The following TAOK1 variants were observed in gnomAD, a reference collection of about 807,000 sequenced individuals.
TAOK1 encodes the protein TAO kinase 1.
In TAOK1, 21 loss-of-function variants were observed where a neutral mutation model predicts 138.3. That is an observed-to-expected ratio of 0.15 (90% CI 0.11 to 0.22). The LOEUF (loss-of-function observed/expected upper bound fraction) is 0.22. TAOK1 is among the 10% of genes least tolerant of loss of function. The probability of loss-of-function intolerance (pLI) is 1.00; values close to 1 mark genes in which losing one functional copy is unlikely to be tolerated. For synonymous variants in TAOK1, 361 were observed against 398.4 expected (o/e 0.91, Z 1.12); for missense variants, 651 against 1,227.7 (o/e 0.53, Z 7.02).
chr17:29,463,394 A>T (rs2030576839), intron 2 of TAOK1, among the ~76,000 whole-genome samples: 1 of 152,038 alleles, frequency 6.6e-6, no homozygotes, highest in South Asian at 2.1e-4. Context: ...ACGTGGCGAA[A>T]CCCCATCTTT....
chr17:29,490,818 C>T (rs1443850469), intron 9 of TAOK1, among the ~76,000 whole-genome samples: 1 of 152,178 alleles, frequency 6.6e-6, no homozygotes, highest in East Asian at 1.9e-4. Context: ...GGTCCTCCTA[C>T]TTACAAGATA....
intron 16 of TAOK1, among the ~76,000 whole-genome samples, chr17:29,519,808 G>A (rs371615563): frequency 4.6e-5 from 7 of 152,068 alleles, no homozygotes; most frequent in South Asian, 2.1e-4. Flanking sequence ...AATTTAATAC[G>A]CACATAGCAT....
chr17:29,428,075 T>C (rs1312042824), intron 1 of TAOK1, among the ~76,000 whole-genome samples: 1 of 152,134 alleles, frequency 6.6e-6, no homozygotes, highest in Non-Finnish European at 1.5e-5. Flanking sequence ...GCCACCCAAA[T>C]GAATAAGTGC....
chr17:29,436,787 T>C (rs1906044162), intron 1 of TAOK1, among the ~76,000 whole-genome samples: 1 of 152,148 alleles, frequency 6.6e-6, no homozygotes, highest in Admixed American at 6.5e-5. Context: ...CTAAAGAAGA[T>C]TAAACACCAT....
intron 1 of TAOK1, among the ~76,000 whole-genome samples, chr17:29,430,476 A>G (rs966877739): frequency 5.3e-5 from 8 of 152,198 alleles, no homozygotes; most frequent in Non-Finnish European, 8.8e-5. Flanking sequence ...AAAGCAACCA[A>G]TCAGAGGCTA....
In TAOK1 at chr17:29,551,860, A is replaced by C. The variant is rs2032501818; in HGVS notation, c.*8838A>C. On this transcript the variant is annotated 3_prime_UTR_variant, in exon 20 of 20. Transcript: ENST00000261716. ...GTATCCTTTGTATCATAGCAAAGGAAATGTTTAAAAAAATCAACTGTAATA... is the reference window on the plus strand; with the variant it reads ...GTATCCTTTGTATCATAGCAAAGGACATGTTTAAAAAAATCAACTGTAATA... 6.6e-6 allele frequency: 1 copy of C among 152,632 alleles called. No homozygotes were observed. Among genetic ancestry groups the C allele is most frequent in the South Asian group, 2.1e-4 (1 of 4,832 alleles). The allele number at this position is 152,632 out of a possible 1,614,324, so 9.5% of individuals were successfully genotyped here.
intron 17 of TAOK1, among the ~76,000 whole-genome samples, chr17:29,525,102 TTTTGTTTTG>T (rs1284686472): frequency 5.3e-5 from 8 of 151,360 alleles, no homozygotes; most frequent in Admixed American, 1.3e-4. Flanking sequence ...TGTTTGTTTT[TTTTGTTTTG>T]TTTTGTTTTG....
At chr17:29,391,264 GA>G (rs1904417034) in intron 1 of TAOK1, among the ~76,000 whole-genome samples, 1 of 152,160 alleles carries the variant, frequency 6.6e-6, no homozygotes, top group African/African-American at 2.4e-5. Flanking sequence ...GTGGAAGGGG[GA>G]TGTTTCGAGG....
At chr17:29,464,164 G>A (rs186192852) in intron 2 of TAOK1, among the ~76,000 whole-genome samples, 5 of 152,052 alleles carry the variant, frequency 3.3e-5, no homozygotes, top group Non-Finnish European at 7.4e-5. Flanking sequence ...GGCCAGGCGC[G>A]GTGGCTCACG....
intron 1 of TAOK1, among the ~76,000 whole-genome samples, chr17:29,414,010 G>A (rs1158574133): frequency 6.7e-6 from 1 of 148,328 alleles, no homozygotes; most frequent in Non-Finnish European, 1.5e-5. Flanking sequence ...AGCCTCCCTA[G>A]TAGCTGGGAC....
chr17:29,432,516 C>T (rs904168976), intron 1 of TAOK1, among the ~76,000 whole-genome samples: 2 of 152,216 alleles, frequency 1.3e-5, no homozygotes, highest in Non-Finnish European at 2.9e-5. Context: ...CTGTTCCCAA[C>T]AGATGGGGTT....
intron 8 of TAOK1, 35 bp from the exon 9 acceptor site, chr17:29,489,629 C>A: frequency 2.7e-6 from 4 of 1,469,108 alleles, no homozygotes; most frequent in Admixed American, 2.0e-5. Context: ...ACCCCTGGAA[C>A]CTATTTTAAC....
chr17:29,450,884 T>C (rs1567721808), intron 1 of TAOK1, among the ~76,000 whole-genome samples: 1 of 152,322 alleles, frequency 6.6e-6, no homozygotes, highest in East Asian at 1.9e-4. Flanking sequence ...CAGGAAGTTT[T>C]CTGGTTATCT....
intron 4 of TAOK1, among the ~76,000 whole-genome samples, chr17:29,476,565 G>A (rs2081200405): frequency 6.6e-6 from 1 of 152,164 alleles, no homozygotes; most frequent in Non-Finnish European, 1.5e-5. Flanking sequence ...CATAGGAGGT[G>A]CTCTGTGTTT....
chr17:29,414,370 C>T (rs1055236100), intron 1 of TAOK1, among the ~76,000 whole-genome samples: 8 of 152,154 alleles, frequency 5.3e-5, no homozygotes, highest in African/African-American at 1.2e-4. Context: ...CTGCCTCAGC[C>T]TCCTGAGTAG....
chr17:29,538,207 A>T (rs1367218483), intron 19 of TAOK1, among the ~76,000 whole-genome samples: 1 of 152,158 alleles, frequency 6.6e-6, no homozygotes, highest in Non-Finnish European at 1.5e-5. Flanking sequence ...ATTAATATGG[A>T]AAAATGTTTA....
intron 14 of TAOK1, among the ~76,000 whole-genome samples, 170 bp from the exon 15 acceptor site, chr17:29,510,694 T>C (rs1376724151): frequency 6.6e-6 from 1 of 152,222 alleles, no homozygotes; most frequent in Non-Finnish European, 1.5e-5. Context: ...AAGTTCAAAT[T>C]ATAAGGATGC....
At chr17:29,406,882 A>T (rs1446945641) in intron 1 of TAOK1, among the ~76,000 whole-genome samples, 3 of 152,064 alleles carry the variant, frequency 2.0e-5, no homozygotes, top group Non-Finnish European at 1.5e-5. Flanking sequence ...TTCTTTTTTT[A>T]AAACTGTTTG....
intron 1 of TAOK1, among the ~76,000 whole-genome samples, chr17:29,414,011 TA>T (rs1248867681): frequency 6.6e-6 from 1 of 150,660 alleles, no homozygotes; most frequent in Non-Finnish European, 1.5e-5. Flanking sequence ...GCCTCCCTAG[TA>T]GCTGGGACTA....
Sources: gnomAD v4.1 joint callset for allele counts (sites outside exome capture counted in the v4.1 genomes callset) on GRCh38, gnomAD v4.1.1 for gene constraint, MANE v1.5 for transcripts, NCBI Gene and HGNC (gene_info 2026-07-23, HGNC 2026-07-21) for gene names.